Variants in PRAG1 observed in about 807,000 individuals in gnomAD.
The protein encoded by PRAG1 is PEAK1 related, kinase-activating pseudokinase 1.
PRAG1 carries 110 observed loss-of-function variants against 95.6 expected under a neutral mutation model. That is an observed-to-expected ratio of 1.15 (90% CI 0.99 to 1.35). PRAG1 has a LOEUF of 1.35. PRAG1 is among the 40% of genes most tolerant of loss of function. The probability of loss-of-function intolerance (pLI) is 0.00; values close to 1 mark genes in which losing one functional copy is unlikely to be tolerated. For missense variants in PRAG1, 2,554 were observed against 1,864.7 expected (o/e 1.37, Z -6.81); for synonymous variants, 1,052 against 819.4 (o/e 1.28, Z -4.85).
chr8:8,325,934 T>C (rs1206938404), intron 5 of PRAG1, among the ~76,000 whole-genome samples: 3 of 148,660 alleles, frequency 2.0e-5, no homozygotes, highest in Non-Finnish European at 3.0e-5. Flanking sequence ...TTAATAATAA[T>C]TAAAAAAAAA....
chr8:8,354,656 T>C (rs1799630834), intron 3 of PRAG1, among the ~76,000 whole-genome samples: 1 of 152,160 alleles, frequency 6.6e-6, no homozygotes. Flanking sequence ...ATATGTCACA[T>C]TAACAGAATG....
chr8:8,367,605 T>C (rs538266668), intron 3 of PRAG1, among the ~76,000 whole-genome samples: 1 of 151,912 alleles, frequency 6.6e-6, no homozygotes, highest in South Asian at 2.1e-4. Flanking sequence ...TACTACTATG[T>C]CAATTTATCT....
At chr8:8,385,814 G>C (rs1800826844) in intron 1 of PRAG1, among the ~76,000 whole-genome samples, 2 of 152,026 alleles carry the variant, frequency 1.3e-5, no homozygotes, top group African/African-American at 4.8e-5. Flanking sequence ...GGCTCAGCCA[G>C]GGCTCGGGGA....
chr8:8,359,282 G>T (rs961353994), intron 3 of PRAG1, among the ~76,000 whole-genome samples: 4 of 152,158 alleles, frequency 2.6e-5, no homozygotes, highest in Non-Finnish European at 5.9e-5. Flanking sequence ...TGAATAAGGT[G>T]GAGGAGAGTT....
rs75724544 is a variant in PRAG1, at chr8:8,339,649, G to T, written c.2163-14C>A. The T allele has an allele frequency of 3.6e-3, 5,746 of 1,604,782 alleles. 145 individuals carry two copies. In the African/African-American group the frequency reaches 0.056, roughly 16 times the overall value. ...TTTAGAAGGTGCCTGGAAAAGGTAG[G>T]AACAAACAATACAAATAACTCATTG... is the stretch of plus-strand genomic sequence containing the variant. On this transcript the variant is annotated splice_polypyrimidine_tract_variant and intron_variant, in intron 3 of 5. Transcript: ENST00000615670.
intron 3 of PRAG1, among the ~76,000 whole-genome samples, chr8:8,350,184 T>A (rs567329973): frequency 8.5e-5 from 13 of 152,188 alleles, no homozygotes; most frequent in South Asian, 2.1e-4. Flanking sequence ...TTGTGGACTT[T>A]TCCAAAGAAG....
Position 8,319,270 on chromosome 8 carries a change from G to C in PRAG1, c.3105C>G (p.Ser1035=), listed in dbSNP as rs765131835. The change falls in exon 6 of 6, where the codon TCC becomes TCG. Residue 1035 remains serine (S), a synonymous_variant. Coordinates refer to ENST00000615670, the MANE Select transcript of PRAG1 (RefSeq NM_001080826.3). ...GCACGGGCACGGACGGGCTGCAGTA[G>C]GAGACTGTTTTGGGCTCAGGGGCTT... ...ICKAPEPKTV[S]YCSPSVPVHF... 3.9e-6 allele frequency: 6 copies of C among 1,527,514 alleles called. No homozygotes were observed. The highest frequency in any genetic ancestry group is 5.3e-6 in the Non-Finnish European group (6 of 1,132,412). 94.6% of individuals were successfully genotyped at this position (1,527,514 alleles called of 1,614,324 possible).
At chr8:8,372,558 A>G (rs972267399) in intron 3 of PRAG1, among the ~76,000 whole-genome samples, 7 of 152,300 alleles carry the variant, frequency 4.6e-5, no homozygotes, top group African/African-American at 1.7e-4. Flanking sequence ...GCCTTGCCGT[A>G]CCCGCCTGGG....
At chr8:8,354,472 T>C (rs776809778) in intron 3 of PRAG1, among the ~76,000 whole-genome samples, 3 of 152,082 alleles carry the variant, frequency 2.0e-5, no homozygotes, top group Admixed American at 6.6e-5. Flanking sequence ...TTGACAAAGA[T>C]ACCACAAGAA....
rs188561475 is a variant in PRAG1, at chr8:8,384,358, T to C, written c.-88+1963A>G. Among the ~76,000 whole-genome samples, 4 of 152,086 alleles carry C rather than the reference T, an allele frequency of 2.6e-5. No individual in the cohort carries two copies. In the South Asian group the frequency reaches 6.2e-4, roughly 24 times the overall value. On this transcript the variant is annotated intron_variant, in intron 1 of 5. Transcript: ENST00000615670. Reference sequence around the variant, plus strand: ...GATTGCTAGCGTGGGGGAAGTTTCCTTGAGAATGTCTCATCAGTTTACGAG... The same window carrying C: ...GATTGCTAGCGTGGGGGAAGTTTCCCTGAGAATGTCTCATCAGTTTACGAG...
At position 8,376,631 on chromosome 8, in the gene PRAG1, G is replaced by C. The variant is rs778996604; in HGVS notation, c.1778C>G (p.Ala593Gly). 1.9e-6 allele frequency: 3 copies of C among 1,605,800 alleles called. No individual in the cohort carries two copies. In the African/African-American group the frequency reaches 4.0e-5, roughly 21 times the overall value. Residue 593 changes from alanine (A) to glycine (G), a missense_variant, in exon 3 of 6, where the codon GCT becomes GGT. Coordinates refer to ENST00000615670, the MANE Select transcript of PRAG1 (RefSeq NM_001080826.3). ...IGPQPPSQGP[A>G]DPAPSCRTNG... ...GGTCCGGCAGGAAGGAGCGGGGTCAGCAGGACCTTGGGATGGAGGCTGGGG... is the reference window on the plus strand; with the variant it reads ...GGTCCGGCAGGAAGGAGCGGGGTCACCAGGACCTTGGGATGGAGGCTGGGG...
intron 3 of PRAG1, among the ~76,000 whole-genome samples, chr8:8,373,728 C>T (rs1380856179): frequency 6.6e-6 from 1 of 152,214 alleles, no homozygotes; most frequent in Non-Finnish European, 1.5e-5. Flanking sequence ...GCTATGATTA[C>T]AGGCATGAGC....
chr8:8,332,533 G>A (rs1226725093), intron 4 of PRAG1, among the ~76,000 whole-genome samples: 1 of 151,888 alleles, frequency 6.6e-6, no homozygotes, highest in Non-Finnish European at 1.5e-5. Context: ...CCAACCTAAC[G>A]CATTCTTCCT....
intron 3 of PRAG1, among the ~76,000 whole-genome samples, chr8:8,355,864 G>C: frequency 6.6e-6 from 1 of 152,144 alleles, no homozygotes; most frequent in Non-Finnish European, 1.5e-5. Flanking sequence ...ATTGGCCTTG[G>C]AAATGATTTT....
Position 8,376,402 on chromosome 8 carries a change from C to T in PRAG1, c.2007G>A (p.Thr669=), listed in dbSNP as rs777878714. 3 of 1,614,064 alleles carry T rather than the reference C, an allele frequency of 1.9e-6. No individual in the cohort carries two copies. Among genetic ancestry groups the T allele is most frequent in the South Asian group, 1.1e-5 (1 of 91,084 alleles). ...CTGTGGGGTGGAGACGGTGCCAGGTCGTGGAGTTTGAATGGTCCGTGGGGC... is the reference window on the plus strand; with the variant it reads ...CTGTGGGGTGGAGACGGTGCCAGGTTGTGGAGTTTGAATGGTCCGTGGGGC... ...KNGPTDHSNS[T]TWHRLHPTDG... Residue 669 remains threonine (T), a synonymous_variant, in exon 3 of 6, where the codon ACG becomes ACA. Transcript: ENST00000615670.
At chr8:8,349,472 C>G (rs541166365) in intron 3 of PRAG1, among the ~76,000 whole-genome samples, 8 of 151,902 alleles carry the variant, frequency 5.3e-5, no homozygotes, top group African/African-American at 1.9e-4. Context: ...TTAGTAGAGA[C>G]GGGGTTTCAC....
intron 3 of PRAG1, among the ~76,000 whole-genome samples, chr8:8,345,976 T>G (rs1799328297): frequency 6.6e-6 from 1 of 152,198 alleles, no homozygotes; most frequent in South Asian, 2.1e-4. Context: ...AAGCACAGAC[T>G]TACAATCAAG....
Position 8,357,203 on chromosome 8 carries a change from A to C in PRAG1, c.2163-17568T>G, listed in dbSNP as rs1563245220. 3.3e-5 allele frequency among the ~76,000 whole-genome samples: 5 copies of C among 152,342 alleles called. No individual in the cohort carries two copies. The South Asian group carries it at 1.0e-3, about 32-fold the overall frequency. On this transcript the variant is annotated intron_variant, in intron 3 of 5. Coordinates refer to ENST00000615670, the MANE Select transcript of PRAG1 (RefSeq NM_001080826.3). ...TAAACTGGACTACATGGGAATAAAA[A>C]CATGTTGTGCATCAAAGGACATAAT...
At chr8:8,361,640 G>C (rs1799851100) in intron 3 of PRAG1, among the ~76,000 whole-genome samples, 1 of 152,190 alleles carries the variant, frequency 6.6e-6, no homozygotes, top group South Asian at 2.1e-4. Context: ...GAAAATTGGA[G>C]TATTGGATGG....
Sources: gnomAD v4.1 joint callset for allele counts (sites outside exome capture counted in the v4.1 genomes callset) on GRCh38, gnomAD v4.1.1 for gene constraint, MANE v1.5 for transcripts, NCBI Gene and HGNC (gene_info 2026-07-23, HGNC 2026-07-21) for gene names.